Variants in TNS2 observed in about 807,000 individuals in gnomAD.
TNS2 encodes tensin 2.
In TNS2, 77 loss-of-function variants were observed where a neutral mutation model predicts 155.7. That is an observed-to-expected ratio of 0.49 (90% CI 0.41 to 0.60). TNS2 has a LOEUF of 0.60. TNS2 is among the 20% of genes least tolerant of loss of function. The pLI, the probability that TNS2 is intolerant of heterozygous loss-of-function variation, is 0.00. For synonymous variants in TNS2, 726 were observed against 763.9 expected, an observed-to-expected ratio of 0.95 and a Z score of 0.82; for missense variants, 1,703 against 1,868.8, an observed-to-expected ratio of 0.91 and a Z score of 1.64.
Position 53,058,465 on chromosome 12 carries a change from C to T in TNS2, c.1225+20C>T, listed in dbSNP as rs1032074958. 5 of 1,613,842 alleles carry T rather than the reference C, an allele frequency of 3.1e-6. No homozygotes were observed. Among genetic ancestry groups the T allele is most frequent in the Non-Finnish European group, 4.2e-6 (5 of 1,179,972 alleles). The stretch of plus-strand genomic sequence containing the variant: ...GGACTGGTGAGTCTGAGACAAGTGG[C>T]CTGGGGCTGGAGTCCAGGTGGCAGG... On this transcript the variant is annotated intron_variant, in intron 15 of 28. Coordinates refer to ENST00000314250, the MANE Select transcript of TNS2 (RefSeq NM_170754.4).
At chr12:53,055,455 C>G (rs1944114363) in intron 8 of TNS2, 113 bp from the exon 9 acceptor site, 3 of 1,359,476 alleles carry the variant, frequency 2.2e-6, no homozygotes, top group Non-Finnish European at 3.0e-6. Context: ...CATGGACAAC[C>G]AGCAGACCCC....
rs1944314567 is a variant in TNS2, at chr12:53,059,818, T to A, written c.2177T>A (p.Leu726Gln). 6.2e-7 allele frequency: 1 copy of A among 1,612,818 alleles called. No homozygotes were observed. The highest frequency in any genetic ancestry group is 1.3e-5 in the African/African-American group (1 of 74,926). Residue 726 changes from leucine to glutamine, a missense_variant, in exon 18 of 29, where the codon CTG becomes CAG. By Grantham distance (113) the Leu-to-Gln change is moderately radical (BLOSUM62 -2). Coordinates refer to ENST00000314250, the MANE Select transcript of TNS2 (RefSeq NM_170754.4). The surrounding 1 kb of genome is among the most constrained non-coding windows in gnomAD (Gnocchi z 4.7). ...GWASEAGKPL[L>Q]HPVRPGHPLP... ...GCAAGTGAGGCTGGCAAGCCTCTCCTGCACCCAGTGCGGCCTGGGCACCCG... is the reference window on the plus strand; with the variant it reads ...GCAAGTGAGGCTGGCAAGCCTCTCCAGCACCCAGTGCGGCCTGGGCACCCG...
chr12:53,062,946 T>C lies in TNS2; in HGVS notation c.3824-143T>C, dbSNP rs564018332. 5 of 1,137,512 alleles carry C rather than the reference T, an allele frequency of 4.4e-6. No individual in the cohort carries two copies. In the East Asian group the frequency reaches 1.2e-4, roughly 28 times the overall value. 70.5% of individuals were successfully genotyped at this position (1,137,512 alleles called of 1,614,324 possible). A position where few individuals can be genotyped will look rare whatever the true frequency, so the allele number is the denominator to read the frequency against. ...GCCTCGCTTCTGACTGTAGATCCAG[T>C]AGAGTCATGGAATCTGCCTTTTTAA... On this transcript the variant is annotated intron_variant, in intron 25 of 28. Coordinates refer to ENST00000314250, the MANE Select transcript of TNS2 (RefSeq NM_170754.4).
In TNS2 at chr12:53,060,972, C is replaced by T. The variant is rs376940195; in HGVS notation, c.3066C>T (p.Gly1022=). ...ACGCCCCCTGGCAAGGCCCTCGAGG[C>T]CCCCCCGACAGCCCAGATGGGTCTC... The part of the protein sequence containing the change: ...LRHAPWQGPR[G]PPDSPDGSPL... Residue 1022 remains glycine, a synonymous_variant, in exon 20 of 29, where the codon GGC becomes GGT. Coordinates refer to ENST00000314250, the MANE Select transcript of TNS2 (RefSeq NM_170754.4). This position sits in a 1 kb window ranked among gnomAD's most constrained non-coding sequence, Gnocchi z 6.1. 28 of 1,605,942 alleles carry T rather than the reference C, an allele frequency of 1.7e-5. No individual in the cohort carries two copies. Among genetic ancestry groups the T allele is most frequent in the Admixed American group, 3.4e-5 (2 of 58,974 alleles).
At position 53,053,441 on chromosome 12, in the gene TNS2, G is replaced by T. The variant is rs199604341; in HGVS notation, c.253G>T (p.Val85Leu). 101 of 1,613,926 alleles carry T rather than the reference G, an allele frequency of 6.3e-5. No individual in the cohort carries two copies. The highest frequency in any genetic ancestry group is 5.9e-6 in the Non-Finnish European group (7 of 1,179,972). The change falls in exon 4 of 29, where the codon GTG (valine) becomes TTG (leucine). Residue 85 changes from valine (V) to leucine (L), a missense_variant. Transcript: ENST00000314250. ...VTSACQALPP[V>L]ELRRNTAPVR... ...TTCAGCCTGTCAGGCCTTGCCTCCC[G>T]TGGAGTTGGTGAGTGCGCTCTGGGA...
intron 10 of TNS2, 32 bp from the exon 11 acceptor site, chr12:53,056,981 C>T (rs1235230936): frequency 1.2e-6 from 2 of 1,601,564 alleles, no homozygotes; most frequent in East Asian, 4.5e-5. Context: ...AGATTAATCC[C>T]TAATCCCCAA....
In TNS2 at chr12:53,059,265, G is replaced by A. The variant is rs1944283319; in HGVS notation, c.1624G>A (p.Asp542Asn). Reference sequence around the variant, plus strand: ...TACAGCTGCTGAACGGCAGGAGCTGGATCGCCTCCTAGGAGGCTGCGGAGT... The same window carrying A: ...TACAGCTGCTGAACGGCAGGAGCTGAATCGCCTCCTAGGAGGCTGCGGAGT... ...PPTAAERQEL[D>N]RLLGGCGVAS... The change falls in exon 18 of 29, where the codon GAT (aspartate) becomes AAT (asparagine). Residue 542 changes from aspartate (D) to asparagine (N), a missense_variant. Transcript: ENST00000314250. This position sits in a 1 kb window ranked among gnomAD's most constrained non-coding sequence, Gnocchi z 4.7. 2 of 1,510,254 alleles carry A rather than the reference G, an allele frequency of 1.3e-6. No homozygotes were observed. Among genetic ancestry groups the A allele is most frequent in the East Asian group, 2.3e-5 (1 of 43,252 alleles). The allele number at this position is 1,510,254 out of a possible 1,614,324, so 93.6% of individuals were successfully genotyped here.
intron 7 of TNS2, 119 bp downstream of exon 7, chr12:53,054,560 T>C: frequency 2.1e-6 from 1 of 486,766 alleles, no homozygotes; most frequent in Admixed American, 7.0e-5. Flanking sequence ...ACCAGAGTGG[T>C]GGGGTGGGGG....
At chr12:53,049,172 G>T (rs12369033), upstream of TNS2, 4 of 1,582,496 alleles carry the variant, frequency 2.5e-6, no homozygotes, top group Middle Eastern at 1.7e-4. Flanking sequence ...TGTGTTGGGA[G>T]GGGGGACCTC....
intron 25 of TNS2, 89 bp downstream of exon 25, chr12:53,062,786 G>A (rs945363015): frequency 6.4e-5 from 96 of 1,506,458 alleles, no homozygotes; most frequent in Admixed American, 5.6e-5. Context: ...AAGGCCTTGA[G>A]GTGGGTGAGC....
chr12:53,055,885 C>T (rs751922804), intron 10 of TNS2, 40 bp downstream of exon 10: 1 of 1,582,510 alleles, frequency 6.3e-7, no homozygotes, highest in East Asian at 2.2e-5. Flanking sequence ...TCCCCAGTGG[C>T]CCTTTCTCCA....
chr12:53,056,656 A>T (rs1305653538), intron 10 of TNS2, among the ~76,000 whole-genome samples: 1 of 152,188 alleles, frequency 6.6e-6, no homozygotes, highest in African/African-American at 2.4e-5. Context: ...TATTGGATTC[A>T]GGGTCCACCC....
chr12:53,058,614 C>T lies in TNS2; in HGVS notation c.1268C>T (p.Ser423Phe). The change falls in exon 16 of 29, where the codon TCC (serine) becomes TTC (phenylalanine). Residue 423 changes from serine (S) to phenylalanine (F), a missense_variant. Physicochemically the swap from Ser to Phe is radical, Grantham distance 155. Transcript: ENST00000314250. ...PFQASVEFVF[S>F]SSPEKIKGST... ...CAAGCCTCCGTGGAGTTTGTCTTCT[C>T]CTCCAGCCCCGAGAAGATCAAAGGT... 1.2e-6 allele frequency: 2 copies of T among 1,613,956 alleles called. No individual in the cohort carries two copies. The highest frequency in any genetic ancestry group is 2.2e-5 in the East Asian group (1 of 44,878).
chr12:53,057,950 G>A (rs2121126158), intron 13 of TNS2, 77 bp from the exon 14 acceptor site: 2 of 1,609,014 alleles, frequency 1.2e-6, no homozygotes, highest in East Asian at 4.5e-5. Flanking sequence ...CTGGTCTCCT[G>A]GCTCCCCCTG....
chr12:53,063,022 T>C lies in TNS2; in HGVS notation c.3824-67T>C. ...ATGTGACAGCAGTAGCTGGGGAATGTGCAAGAGCTGGTGGGGGTGGCTAGG... is the reference window on the plus strand; with the variant it reads ...ATGTGACAGCAGTAGCTGGGGAATGCGCAAGAGCTGGTGGGGGTGGCTAGG... On this transcript the variant is annotated intron_variant, in intron 25 of 28. Coordinates refer to ENST00000314250, the MANE Select transcript of TNS2 (RefSeq NM_170754.4). This position sits in a 1 kb window ranked among gnomAD's most constrained non-coding sequence, Gnocchi z 5.6. 6.7e-7 allele frequency: 1 copy of C among 1,496,812 alleles called. No individual in the cohort carries two copies. The allele number at this position is 1,496,812 out of a possible 1,614,324, so 92.7% of individuals were successfully genotyped here.
chr12:53,049,117 T>C (rs1214591416), upstream of TNS2: 4 of 1,512,024 alleles, frequency 2.6e-6, no homozygotes, highest in Non-Finnish European at 3.5e-6. Flanking sequence ...AAGTTGGCCA[T>C]GTTCCCAGGA....
At position 53,063,264 on chromosome 12, in the gene TNS2, A is replaced by G. The variant is rs1372224046; in HGVS notation, c.3992+7A>G. 4 of 1,613,658 alleles carry G rather than the reference A, an allele frequency of 2.5e-6. No individual in the cohort carries two copies. The highest frequency in any genetic ancestry group is 2.2e-5 in the East Asian group (1 of 44,880). On this transcript the variant is annotated splice_region_variant and intron_variant, in intron 26 of 28. Transcript: ENST00000314250. This position sits in a 1 kb window ranked among gnomAD's most constrained non-coding sequence, Gnocchi z 5.6. Reference sequence around the variant, plus strand: ...TGACGGACAACCAAAGGAAGTATGTATACTCAGCCCTGTAGAACCCCATGC... The same window carrying G: ...TGACGGACAACCAAAGGAAGTATGTGTACTCAGCCCTGTAGAACCCCATGC...
rs201810718 is a variant in TNS2 at position 53,058,317 on chromosome 12, T to C, written c.1097T>C (p.Val366Ala). ...PALLLKGDVM[V>A]TCYHKGGRGT... The stretch of plus-strand genomic sequence containing the variant: ...CGCAGCCTCCTGCCTTTCTCCCAGG[T>C]AACATGTTATCACAAGGGTGGCCGG... Residue 366 changes from valine (V) to alanine (A), a missense_variant and splice_region_variant, in exon 15 of 29, where the codon GTA becomes GCA. Coordinates refer to ENST00000314250, the MANE Select transcript of TNS2 (RefSeq NM_170754.4). The C allele has an allele frequency of 1.2e-6, 2 of 1,614,022 alleles. No individual in the cohort carries two copies. The highest frequency in any genetic ancestry group is 2.2e-5 in the East Asian group (1 of 44,880).
rs1341602844 is a variant in TNS2, at chr12:53,055,891, C to G, written c.761+46C>G. The G allele has an allele frequency of 3.2e-6, 5 of 1,575,162 alleles. No homozygotes were observed. The South Asian group carries it at 5.9e-5, about 19-fold the overall frequency. On this transcript the variant is annotated intron_variant, in intron 10 of 28. Transcript: ENST00000314250. ...GTAGCTGCTTCCCCAGTGGCCCTTT[C>G]TCCAGCTGGCCCCTTAGGAACCCAT...
Sources: gnomAD v4.1 joint callset for allele counts (sites outside exome capture counted in the v4.1 genomes callset) on GRCh38, gnomAD v4.1.1 for gene constraint, Gnocchi (gnomAD v3.1) non-coding constraint, MANE v1.5 for transcripts, NCBI Gene and HGNC (gene_info 2026-07-23, HGNC 2026-07-21) for gene names.